LTBP1: variants seen among roughly 807,000 people sequenced by gnomAD.
The protein encoded by LTBP1 is latent-transforming growth factor beta-binding protein 1.
In LTBP1, 129 loss-of-function variants were observed where a neutral mutation model predicts 207.6. That is an observed-to-expected ratio of 0.62 (90% CI 0.54 to 0.72). The LOEUF (loss-of-function observed/expected upper bound fraction) is 0.72. Among genes scored for constraint, LTBP1 ranks in the 30% least tolerant of loss-of-function variants. The pLI, the probability that LTBP1 is intolerant of heterozygous loss-of-function variation, is 0.00. For missense variants in LTBP1, 2,281 were observed against 2,217.2 expected, an observed-to-expected ratio of 1.03 and a Z score of -0.58; for synonymous variants, 963 against 833.7, an observed-to-expected ratio of 1.16 and a Z score of -2.67.
At chr2:33,122,138 T>C (rs942632222) in intron 4 of LTBP1, among the ~76,000 whole-genome samples, 1 of 151,706 alleles carries the variant, frequency 6.6e-6, no homozygotes, top group East Asian at 1.9e-4. Context: ...CAATCGAGTG[T>C]GGGTGGAACG....
chr2:33,146,762 T>G (rs1414868700), intron 5 of LTBP1, among the ~76,000 whole-genome samples: 4 of 152,170 alleles, frequency 2.6e-5, no homozygotes. Flanking sequence ...TGCTACACAC[T>G]TTTAAACAAC....
chr2:33,113,480 T>C (rs1238967212), intron 4 of LTBP1, among the ~76,000 whole-genome samples: 1 of 152,210 alleles, frequency 6.6e-6, no homozygotes, highest in Non-Finnish European at 1.5e-5. Flanking sequence ...ACATTGTAGA[T>C]AGAGAGAAAC....
intron 2 of LTBP1, among the ~76,000 whole-genome samples, chr2:32,958,428 G>A (rs1017109125): frequency 2.6e-5 from 4 of 152,112 alleles, no homozygotes; most frequent in African/African-American, 9.7e-5. Context: ...GATCCTGTTT[G>A]GTGCTCCCTA....
chr2:33,278,977 A>G (rs374113942), intron 18 of LTBP1, among the ~76,000 whole-genome samples: 60 of 152,290 alleles, frequency 3.9e-4, no homozygotes, highest in African/African-American at 1.4e-3. Flanking sequence ...GTGGGAGATA[A>G]TTTTTAAGTA....
In LTBP1 at chr2:33,047,620, G is replaced by A. The variant is rs529531546; in HGVS notation, c.863+26414G>A. Among the ~76,000 whole-genome samples, 7 of 152,282 alleles carry A rather than the reference G, an allele frequency of 4.6e-5. No individual in the cohort carries two copies. In the East Asian group the frequency reaches 5.8e-4, roughly 13 times the overall value. ...ATTTGGGGTGGAGAGTTCTGTAGAC[G>A]TCTGTTAGATCTGCTTGGTCCAGAG... On this transcript the variant is annotated intron_variant, in intron 3 of 33. Coordinates refer to ENST00000404816, the MANE Select transcript of LTBP1 (RefSeq NM_206943.4).
At chr2:33,018,597 G>A (rs1490835586) in intron 2 of LTBP1, among the ~76,000 whole-genome samples, 1 of 152,086 alleles carries the variant, frequency 6.6e-6, no homozygotes, top group Admixed American at 6.5e-5. Context: ...AACCATGGCT[G>A]AGCAGGGACC....
chr2:33,246,289 G>T (rs1282173076), intron 10 of LTBP1, among the ~76,000 whole-genome samples: 2 of 152,132 alleles, frequency 1.3e-5, no homozygotes, highest in African/African-American at 4.8e-5. Context: ...TAGGATTTGC[G>T]ATTTGAACCA....
At chr2:33,231,543 C>T (rs547402122) in intron 9 of LTBP1, among the ~76,000 whole-genome samples, 20 of 152,226 alleles carry the variant, frequency 1.3e-4, no homozygotes, top group African/African-American at 4.8e-4. Flanking sequence ...GCATTTCAGA[C>T]CTCTTCTTAA....
intron 32 of LTBP1, among the ~76,000 whole-genome samples, chr2:33,393,390 C>T (rs1414188125): frequency 6.6e-6 from 1 of 151,594 alleles, no homozygotes; most frequent in Non-Finnish European, 1.5e-5. Context: ...GTGCTGCACC[C>T]ATTAACTCAT....
intron 8 of LTBP1, among the ~76,000 whole-genome samples, chr2:33,218,845 C>G (rs1381420953): frequency 2.0e-5 from 3 of 152,028 alleles, no homozygotes; most frequent in Admixed American, 6.6e-5. Flanking sequence ...TTTTTTTATT[C>G]TTTGTACTGC....
chr2:33,301,453 A>G lies in LTBP1; in HGVS notation c.3359-69A>G, dbSNP rs996520543. ...GTCTTTCTAGAATTTACACTGATCCAATTGAGACTGATTGAAAATGTTTTT... is the reference window on the plus strand; with the variant it reads ...GTCTTTCTAGAATTTACACTGATCCGATTGAGACTGATTGAAAATGTTTTT... On this transcript the variant is annotated intron_variant, in intron 21 of 33. Transcript: ENST00000404816. The G allele has an allele frequency of 6.0e-6, 9 of 1,488,902 alleles. No homozygotes were observed. In the African/African-American group the frequency reaches 1.3e-4, roughly 21 times the overall value. The allele number at this position is 1,488,902 out of a possible 1,614,324, so 92.2% of individuals were successfully genotyped here. A position where few individuals can be genotyped will look rare whatever the true frequency, so the allele number is the denominator to read the frequency against.
chr2:33,066,842 A>C (rs2077532672), intron 3 of LTBP1, among the ~76,000 whole-genome samples: 2 of 152,334 alleles, frequency 1.3e-5, no homozygotes, highest in East Asian at 3.9e-4. Context: ...GAGTTAATTA[A>C]ATCATGCTTG....
intron 32 of LTBP1, among the ~76,000 whole-genome samples, chr2:33,391,509 T>C (rs899336824): frequency 6.6e-6 from 1 of 152,186 alleles, no homozygotes; most frequent in African/African-American, 2.4e-5. Context: ...TAATCAGGAA[T>C]ACCAGGTTAA....
At chr2:32,968,637 T>C (rs1385406072) in intron 2 of LTBP1, among the ~76,000 whole-genome samples, 1 of 152,222 alleles carries the variant, frequency 6.6e-6, no homozygotes, top group Non-Finnish European at 1.5e-5. Context: ...ATTGATACAG[T>C]TGGATTAATA....
intron 2 of LTBP1, among the ~76,000 whole-genome samples, chr2:32,977,018 C>A (rs1482525681): frequency 6.6e-6 from 1 of 152,192 alleles, no homozygotes; most frequent in African/African-American, 2.4e-5. Flanking sequence ...CTCTGCCTAC[C>A]AGTGGTGGAG....
intron 3 of LTBP1, among the ~76,000 whole-genome samples, chr2:33,024,340 A>C (rs955577691): frequency 6.6e-6 from 1 of 152,032 alleles, no homozygotes; most frequent in Non-Finnish European, 1.5e-5. Context: ...GGCAGTTTTA[A>C]ATAGGCTGCC....
At chr2:33,388,774 G>A (rs1386177237) in intron 31 of LTBP1, among the ~76,000 whole-genome samples, 3 of 152,062 alleles carry the variant, frequency 2.0e-5, no homozygotes, top group African/African-American at 4.8e-5. Flanking sequence ...TCTAGAGAGC[G>A]AAAAAGCACC....
intron 5 of LTBP1, among the ~76,000 whole-genome samples, chr2:33,161,008 G>A (rs2084415853): frequency 6.6e-6 from 1 of 152,160 alleles, no homozygotes; most frequent in African/African-American, 2.4e-5. Context: ...TTGGGACAAT[G>A]TGTACACTTT....
At chr2:33,271,819 A>G (rs1258334627) in intron 15 of LTBP1, among the ~76,000 whole-genome samples, 1 of 152,092 alleles carries the variant, frequency 6.6e-6, no homozygotes, top group Admixed American at 6.5e-5. Context: ...GTTAATGATT[A>G]TATGCTGTGC....
Sources: gnomAD v4.1 joint callset for allele counts (sites outside exome capture counted in the v4.1 genomes callset) on GRCh38, gnomAD v4.1.1 for gene constraint, MANE v1.5 for transcripts, NCBI Gene and HGNC (gene_info 2026-07-23, HGNC 2026-07-21) for gene names.